CACNA2D3: variants seen among roughly 807,000 people sequenced by gnomAD.
CACNA2D3 encodes the protein voltage-dependent calcium channel subunit alpha-2/delta-3.
In CACNA2D3, 60 loss-of-function variants were observed where a neutral mutation model predicts 160.6. The observed-to-expected ratio is 0.37, with a 90% confidence interval of 0.30 to 0.46. The LOEUF (loss-of-function observed/expected upper bound fraction) is 0.46, where lower values mean the gene tolerates loss of function less well. Among genes scored for constraint, CACNA2D3 ranks in the 20% least tolerant of loss-of-function variants. The probability of loss-of-function intolerance (pLI) is 1.00; values close to 1 mark genes in which losing one functional copy is unlikely to be tolerated. For missense variants in CACNA2D3, 1,205 were observed against 1,365.0 expected (o/e 0.88, Z 1.85); for synonymous variants, 558 against 492.9 (o/e 1.13, Z -1.75).
intron 2 of CACNA2D3, among the ~76,000 whole-genome samples, chr3:54,231,147 G>A: frequency 6.6e-6 from 1 of 152,212 alleles, no homozygotes; most frequent in Non-Finnish European, 1.5e-5. Flanking sequence ...CCCAGGGAGA[G>A]GATGAGGGGA....
chr3:54,892,493 A>G (rs1700092669), intron 25 of CACNA2D3, among the ~76,000 whole-genome samples: 1 of 152,228 alleles, frequency 6.6e-6, no homozygotes, highest in African/African-American at 2.4e-5. Flanking sequence ...ATGTTTAGGT[A>G]TTTTAAGAGA....
intron 13 of CACNA2D3, among the ~76,000 whole-genome samples, chr3:54,765,323 A>G (rs1035797636): frequency 3.3e-5 from 5 of 152,150 alleles, no homozygotes; most frequent in African/African-American, 9.7e-5. Context: ...AAAGTATGCA[A>G]TGCGGCCCTG....
intron 35 of CACNA2D3, among the ~76,000 whole-genome samples, chr3:55,071,431 TTAATA>T (rs1403464689): frequency 2.0e-5 from 3 of 152,236 alleles, no homozygotes; most frequent in Admixed American, 2.0e-4. Context: ...TAAATACTTT[TTAATA>T]TTTTTCAATG....
chr3:55,040,933 G>C (rs886729152), intron 35 of CACNA2D3, among the ~76,000 whole-genome samples: 1 of 152,082 alleles, frequency 6.6e-6, no homozygotes, highest in Admixed American at 6.6e-5. Flanking sequence ...ATTTTTGGTA[G>C]TTGGTTTAGC....
rs183757498 is a variant in CACNA2D3, at chr3:54,642,754, G to A, written c.1167+513G>A. On this transcript the variant is annotated intron_variant, in intron 11 of 37. Coordinates refer to ENST00000474759, the MANE Select transcript of CACNA2D3 (RefSeq NM_018398.3). Reference sequence around the variant, plus strand: ...TTCTGATCCTGCCTTTGCTTTCCACGTTGACAGTTATTAACCTTTTGAGGC... The same window carrying A: ...TTCTGATCCTGCCTTTGCTTTCCACATTGACAGTTATTAACCTTTTGAGGC... 4.8e-4 allele frequency among the ~76,000 whole-genome samples: 73 copies of A among 152,164 alleles called. No homozygotes were observed. In the East Asian group the frequency reaches 0.012, roughly 26 times the overall value.
intron 13 of CACNA2D3, among the ~76,000 whole-genome samples, chr3:54,789,464 A>G (rs1702705118): frequency 6.6e-6 from 1 of 152,222 alleles, no homozygotes; most frequent in Non-Finnish European, 1.5e-5. Context: ...CCGTAAAGGT[A>G]TGATCATGTG....
rs1559466004 is a variant in CACNA2D3, at chr3:55,021,681, ATATATATATATG to A, written c.2987+3366_2987+3377del. 8.6e-5 allele frequency among the ~76,000 whole-genome samples: 5 copies of A among 58,392 alleles called. No homozygotes were observed. The East Asian group carries it at 2.1e-3, about 24-fold the overall frequency. The allele number at this position is 58,392 out of a possible 152,430, so 38.3% of individuals were successfully genotyped here. A position where few individuals can be genotyped will look rare whatever the true frequency, so the allele number is the denominator to read the frequency against. On this transcript the variant is annotated intron_variant, in intron 35 of 37. Coordinates refer to ENST00000474759, the MANE Select transcript of CACNA2D3 (RefSeq NM_018398.3). ...TATGTGTGTGTATATATATATGTGTATATATATATATGTGTGTATATATATATGTGTGTGTAT... is the reference window on the plus strand; with the variant it reads ...TATGTGTGTGTATATATATATGTGTATGTGTATATATATATGTGTGTGTAT...
At chr3:54,171,554 T>A (rs528706366) in intron 2 of CACNA2D3, among the ~76,000 whole-genome samples, 1 of 152,270 alleles carries the variant, frequency 6.6e-6, no homozygotes, top group East Asian at 1.9e-4. Context: ...GATTATTAAT[T>A]AAAACAACTC....
chr3:55,022,733 G>A (rs1575439859), intron 35 of CACNA2D3, among the ~76,000 whole-genome samples: 1 of 129,670 alleles, frequency 7.7e-6, no homozygotes, highest in Admixed American at 8.8e-5. Flanking sequence ...CATACTCTAT[G>A]TAAAGTACAC....
chr3:55,050,055 C>A (rs897054694), intron 35 of CACNA2D3, among the ~76,000 whole-genome samples: 12 of 151,534 alleles, frequency 7.9e-5, no homozygotes, highest in African/African-American at 2.9e-4. Flanking sequence ...GACTCTTTAT[C>A]CAATTTGCCA....
At chr3:54,877,987 G>A (rs529515118) in intron 18 of CACNA2D3, among the ~76,000 whole-genome samples, 2 of 152,196 alleles carry the variant, frequency 1.3e-5, no homozygotes, top group East Asian at 3.9e-4. Context: ...ATTATGTGTT[G>A]TTAAAAAAAT....
intron 10 of CACNA2D3, among the ~76,000 whole-genome samples, chr3:54,632,969 T>C (rs1028542095): frequency 1.3e-5 from 2 of 152,140 alleles, no homozygotes; most frequent in Non-Finnish European, 2.9e-5. Context: ...AACGTGACAG[T>C]GTCAGGGGCT....
intron 35 of CACNA2D3, among the ~76,000 whole-genome samples, chr3:55,055,086 AC>A (rs1704329621): frequency 6.6e-6 from 1 of 152,086 alleles, no homozygotes; most frequent in Non-Finnish European, 1.5e-5. Flanking sequence ...TATATAAGAA[AC>A]ATGCTGATTA....
intron 34 of CACNA2D3, 70 bp from the exon 35 acceptor site, chr3:55,018,135 TG>T: frequency 1.1e-6 from 1 of 873,390 alleles, no homozygotes; most frequent in Non-Finnish European, 1.9e-6. Context: ...TGGGTTGCTG[TG>T]GGCTGCCAGT....
chr3:54,779,147 G>A (rs370598898), intron 13 of CACNA2D3, among the ~76,000 whole-genome samples: 5 of 152,198 alleles, frequency 3.3e-5, no homozygotes, highest in African/African-American at 1.2e-4. Context: ...GCCCAGGCTG[G>A]AGTGCAGTGG....
At chr3:54,173,274 C>T (rs76987635) in intron 2 of CACNA2D3, among the ~76,000 whole-genome samples, 2,559 of 152,224 alleles carry the variant, frequency 0.017, 77 homozygotes, top group African/African-American at 0.057. Flanking sequence ...TGGGTCCTCC[C>T]CTCTTTGTCC....
chr3:54,595,313 G>GGTGTGTGTGT (rs71637562), intron 9 of CACNA2D3, among the ~76,000 whole-genome samples: 34 of 132,200 alleles, frequency 2.6e-4, no homozygotes, highest in Non-Finnish European at 3.9e-4. Context: ...CTGTGTGTGT[G>GGTGTGTGTGT]GTGTGTGTGT....
chr3:54,895,556 C>A (rs9848512), intron 25 of CACNA2D3, among the ~76,000 whole-genome samples: 5,091 of 152,264 alleles, frequency 0.033, 264 homozygotes, highest in African/African-American at 0.12. Flanking sequence ...GTTCAGGAAA[C>A]CAACCAGTTA....
chr3:54,197,536 A>G (rs1701103791), intron 2 of CACNA2D3: 1 of 152,094 alleles, frequency 6.6e-6, no homozygotes, highest in Non-Finnish European at 1.5e-5. Context: ...TTTTGGTACC[A>G]TCTTCTTTCT....
Sources: allele counts gnomAD v4.1 joint callset (sites outside exome capture counted in the v4.1 genomes callset), GRCh38; gene constraint gnomAD v4.1.1; transcripts MANE v1.5; gene names NCBI Gene and HGNC (gene_info 2026-07-23, HGNC 2026-07-21).